Variants in IFT57 observed in about 807,000 individuals in gnomAD.
IFT57 encodes intraflagellar transport protein 57 homolog.
A neutral mutation model predicts 56.8 loss-of-function variants in IFT57; 59 were observed. The ratio of observed to expected loss-of-function variants is 1.04; its 90% CI spans 0.84 to 1.29. The LOEUF is 1.29. IFT57 is among the 50% of genes most tolerant of loss of function. The pLI is 0.00. For missense variants in IFT57, 470 were observed against 522.1 expected (o/e 0.90, Z 0.97); for synonymous variants, 209 against 186.1 (o/e 1.12, Z -1.00).
intron 6 of IFT57, among the ~76,000 whole-genome samples, chr3:108,188,761 G>C (rs533916917): frequency 6.6e-6 from 1 of 152,250 alleles, no homozygotes; most frequent in East Asian, 1.9e-4. Context: ...TGGCAATACT[G>C]GTCTGTTATA....
intron 5 of IFT57, among the ~76,000 whole-genome samples, chr3:108,206,025 T>TGTATATTATTTATAATATATATTATATA (rs1491273139): frequency 8.3e-6 from 1 of 121,170 alleles, no homozygotes; most frequent in East Asian, 2.2e-4. Context: ...TATAATATAT[T>TGTATATTATTTATAATATATATTATATA]GTATATTATT....
At chr3:108,167,013 G>A in intron 7 of IFT57, 28 bp from the exon 8 acceptor site, 1 of 1,587,892 alleles carries the variant, frequency 6.3e-7, no homozygotes, top group Non-Finnish European at 8.6e-7. Flanking sequence ...TTTGCAGATA[G>A]AAGAACTCAC....
At chr3:108,208,316 G>A (rs2080324572) in intron 4 of IFT57, among the ~76,000 whole-genome samples, 1 of 152,188 alleles carries the variant, frequency 6.6e-6, no homozygotes, top group Non-Finnish European at 1.5e-5. Flanking sequence ...ACTAGTAAGA[G>A]TCTACTTAAC....
At chr3:108,183,062 G>T (rs147598374) in intron 6 of IFT57, among the ~76,000 whole-genome samples, 68 of 152,048 alleles carry the variant, frequency 4.5e-4, no homozygotes, top group Admixed American at 2.4e-3. Context: ...CATAATTGAA[G>T]AAAAGGGCCT....
intron 6 of IFT57, among the ~76,000 whole-genome samples, chr3:108,188,133 T>G (rs2080195045): frequency 6.6e-6 from 1 of 151,816 alleles, no homozygotes; most frequent in Non-Finnish European, 1.5e-5. Flanking sequence ...TTCCCCTTCC[T>G]GTGTCCAAGT....
chr3:108,206,598 T>C (rs371895380), intron 5 of IFT57, 30 bp downstream of exon 5: 22 of 1,020,376 alleles, frequency 2.2e-5, no homozygotes, highest in Non-Finnish European at 6.8e-6. Context: ...TGATTGCTTG[T>C]TGGTCCTGCA....
intron 5 of IFT57, among the ~76,000 whole-genome samples, chr3:108,205,757 TTATATAA>T (rs1056253321): frequency 2.0e-4 from 29 of 143,604 alleles, no homozygotes; most frequent in Non-Finnish European, 3.5e-4. Context: ...ATATAACATA[TTATATAA>T]TATATAAAAT....
chr3:108,175,006 T>C (rs1020554687), intron 6 of IFT57, among the ~76,000 whole-genome samples: 3 of 151,886 alleles, frequency 2.0e-5, no homozygotes, highest in Admixed American at 6.6e-5. Flanking sequence ...CTAATTGACT[T>C]TGGCAAAGTT....
At chr3:108,200,900 C>T (rs183495335) in intron 5 of IFT57, among the ~76,000 whole-genome samples, 1 of 152,090 alleles carries the variant, frequency 6.6e-6, no homozygotes, top group Non-Finnish European at 1.5e-5. Context: ...GGGGCTTTTC[C>T]TAGTCTTCTA....
intron 5 of IFT57, among the ~76,000 whole-genome samples, chr3:108,205,961 ATAT>A (rs1311680811): frequency 1.0e-5 from 1 of 98,448 alleles, no homozygotes; most frequent in African/African-American, 3.7e-5. Flanking sequence ...ATATATAAAT[ATAT>A]TATATATTTA....
At chr3:108,167,248 T>C in intron 7 of IFT57, 1 of 341,640 alleles carries the variant, frequency 2.9e-6, no homozygotes, top group Non-Finnish European at 5.4e-6. Flanking sequence ...TATGTGACTA[T>C]AATTAGCATT....
At chr3:108,200,954 G>A (rs148177847) in intron 5 of IFT57, among the ~76,000 whole-genome samples, 228 of 152,194 alleles carry the variant, frequency 1.5e-3, no homozygotes, top group Non-Finnish European at 2.7e-3. Context: ...TTCTAGGAAA[G>A]GTAAAAAATT....
intron 6 of IFT57, among the ~76,000 whole-genome samples, chr3:108,179,862 ATAATTTTTATT>A (rs1252486816): frequency 1.3e-5 from 2 of 150,088 alleles, no homozygotes; most frequent in Non-Finnish European, 3.0e-5. Flanking sequence ...GTGTAAAAGC[ATAATTTTTATT>A]TTTATGCGTT....
chr3:108,219,386 A>G (rs758048687), intron 2 of IFT57, 24 bp downstream of exon 2: 10 of 1,595,848 alleles, frequency 6.3e-6, no homozygotes, highest in Non-Finnish European at 7.7e-6. Flanking sequence ...AGAACAAGGA[A>G]AAAGAAGGGT....
chr3:108,206,670 GT>G lies in IFT57; in HGVS notation c.611del (p.Asn204ThrfsTer8), dbSNP rs2080315947. 7.2e-7 allele frequency: 1 copy of G among 1,379,688 alleles called. No homozygotes were observed. Among genetic ancestry groups the G allele is most frequent in the Non-Finnish European group, 9.6e-7 (1 of 1,037,160 alleles). The allele number at this position is 1,379,688 out of a possible 1,614,324, so 85.5% of individuals were successfully genotyped here. ...FVEEETDNEE[N>X]FIDLNVLKAQ... is the part of the protein sequence containing the mutation. ...CCTTTAAAACGTTGAGATCAATAAA[GT>G]TTTCTTCATTATCTGTCTCTTCTTC... On this transcript the variant is annotated frameshift_variant, in exon 5 of 11. Transcript: ENST00000264538. LOFTEE classifies it high-confidence loss of function.
chr3:108,187,791 A>G (rs17239910), intron 6 of IFT57, among the ~76,000 whole-genome samples: 14,628 of 152,110 alleles, frequency 0.096, 765 homozygotes, highest in Middle Eastern at 0.12. Flanking sequence ...AATTAATCCA[A>G]CACTGACCAG....
At chr3:108,196,340 C>T (rs946622035) in intron 5 of IFT57, among the ~76,000 whole-genome samples, 2 of 152,104 alleles carry the variant, frequency 1.3e-5, no homozygotes, top group Admixed American at 6.6e-5. Flanking sequence ...GGCGCACACC[C>T]GTCCATACTA....
chr3:108,184,255 T>C (rs145574886), intron 6 of IFT57, among the ~76,000 whole-genome samples: 28 of 152,250 alleles, frequency 1.8e-4, no homozygotes, highest in Non-Finnish European at 3.2e-4. Context: ...CAGATCTGAA[T>C]TGTTCTCTGG....
At chr3:108,195,244 C>T (rs2080237278) in intron 5 of IFT57, among the ~76,000 whole-genome samples, 1 of 152,104 alleles carries the variant, frequency 6.6e-6, no homozygotes, top group Admixed American at 6.6e-5. Context: ...CATTACTAAT[C>T]ACCAGAGAAA....
Sources: allele counts gnomAD v4.1 joint callset (sites outside exome capture counted in the v4.1 genomes callset), GRCh38; gene constraint gnomAD v4.1.1; transcripts MANE v1.5; gene names NCBI Gene and HGNC (gene_info 2026-07-23, HGNC 2026-07-21).